The following SYT9 variants were observed in gnomAD, a reference collection of about 807,000 sequenced individuals.
SYT9 encodes synaptotagmin-9.
SYT9 carries 22 observed loss-of-function variants against 48.4 expected under a neutral mutation model. The ratio of observed to expected loss-of-function variants is 0.45; its 90% confidence interval spans 0.32 to 0.65. SYT9 has a LOEUF of 0.65. Ranked by LOEUF, SYT9 falls within the 30% of genes least tolerant of loss-of-function variation. SYT9 has a pLI of 0.03. For missense variants in SYT9, 577 were observed against 622.0 expected, an observed-to-expected ratio of 0.93 and a Z score of 0.77; for synonymous variants, 265 against 245.0, an observed-to-expected ratio of 1.08 and a Z score of -0.76.
At chr11:7,381,330 G>T (rs190205111) in intron 3 of SYT9, among the ~76,000 whole-genome samples, 1 of 152,260 alleles carries the variant, frequency 6.6e-6, no homozygotes, top group Non-Finnish European at 1.5e-5. Flanking sequence ...GATTTTTAGG[G>T]GTTCAGAAAC....
At chr11:7,275,684 A>G (rs992701152) in intron 1 of SYT9, among the ~76,000 whole-genome samples, 1 of 152,174 alleles carries the variant, frequency 6.6e-6, no homozygotes, top group African/African-American at 2.4e-5. Flanking sequence ...CTGTATATCT[A>G]GCCACCTCCT....
At chr11:7,260,993 T>G (rs567353149) in intron 1 of SYT9, among the ~76,000 whole-genome samples, 2 of 152,186 alleles carry the variant, frequency 1.3e-5, no homozygotes, top group African/African-American at 4.8e-5. Flanking sequence ...TCTGAAGTTA[T>G]AGGGCCCAAG....
At chr11:7,285,210 A>G (rs1275361688) in intron 1 of SYT9, among the ~76,000 whole-genome samples, 1 of 152,174 alleles carries the variant, frequency 6.6e-6, no homozygotes, top group Non-Finnish European at 1.5e-5. Context: ...AATACCCAAG[A>G]CTGGGTTATT....
chr11:7,449,226 C>A (rs1411046641), intron 6 of SYT9, among the ~76,000 whole-genome samples: 5 of 150,434 alleles, frequency 3.3e-5, no homozygotes, highest in African/African-American at 4.9e-5. Flanking sequence ...TGCCTATAAT[C>A]CCAGCTACTC....
intron 3 of SYT9, among the ~76,000 whole-genome samples, chr11:7,402,323 A>C (rs144637917): frequency 6.6e-6 from 1 of 152,210 alleles, no homozygotes; most frequent in East Asian, 1.9e-4. Flanking sequence ...TGATGGGTGG[A>C]GTGAATATCA....
At chr11:7,460,104 G>A (rs1388923234) in intron 6 of SYT9, among the ~76,000 whole-genome samples, 1 of 152,174 alleles carries the variant, frequency 6.6e-6, no homozygotes, top group Non-Finnish European at 1.5e-5. Flanking sequence ...TGCCTCAGAG[G>A]ATTGTGGTAA....
intron 3 of SYT9, among the ~76,000 whole-genome samples, chr11:7,378,329 T>A (rs1235025045): frequency 2.0e-5 from 3 of 152,120 alleles, no homozygotes; most frequent in Non-Finnish European, 2.9e-5. Flanking sequence ...ATTTGGAATT[T>A]AACCTAAGAG....
intron 6 of SYT9, among the ~76,000 whole-genome samples, chr11:7,429,455 A>G (rs982629138): frequency 1.3e-5 from 2 of 152,242 alleles, no homozygotes; most frequent in African/African-American, 4.8e-5. Context: ...AAGAAACCAG[A>G]TTCTCAGTCA....
At position 7,242,820 on chromosome 11, in the gene SYT9, A is replaced by G. The variant is rs200927539; in HGVS notation, c.49+3904A>G. On this transcript the variant is annotated intron_variant and NMD_transcript_variant, in intron 1 of 8. Coordinates refer to the SYT9 transcript ENST00000524820. Reference sequence around the variant, plus strand: ...CCAGCACTTTGGAGGCTAAGGCGTGAGAATCACCTGAGGTCAGGAGTTCAA... The same window carrying G: ...CCAGCACTTTGGAGGCTAAGGCGTGGGAATCACCTGAGGTCAGGAGTTCAA... Among the ~76,000 whole-genome samples, 21 of 152,242 alleles carry G rather than the reference A, an allele frequency of 1.4e-4. No homozygotes were observed. The East Asian group carries it at 4.1e-3, about 29-fold the overall frequency.
chr11:7,452,149 TG>T (rs1848067357), intron 6 of SYT9, among the ~76,000 whole-genome samples: 3 of 121,686 alleles, frequency 2.5e-5, no homozygotes, highest in African/African-American at 8.4e-5. Context: ...ACACACACAC[TG>T]AGGAAAAACA....
At chr11:7,447,129 A>G (rs941964666) in intron 6 of SYT9, among the ~76,000 whole-genome samples, 1 of 152,190 alleles carries the variant, frequency 6.6e-6, no homozygotes, top group Non-Finnish European at 1.5e-5. Flanking sequence ...GGTCTGATCA[A>G]TCTTGCCCTC....
intron 3 of SYT9, among the ~76,000 whole-genome samples, chr11:7,318,065 A>T (rs1849272101): frequency 6.6e-6 from 1 of 152,170 alleles, no homozygotes; most frequent in African/African-American, 2.4e-5. Context: ...GTCTTTCTAC[A>T]CGTGACCATA....
intron 3 of SYT9, among the ~76,000 whole-genome samples, chr11:7,353,266 T>G (rs746973723): frequency 2.0e-5 from 3 of 152,232 alleles, no homozygotes; most frequent in South Asian, 4.1e-4. Flanking sequence ...CTGAGGCTTC[T>G]GCAGGGAGGC....
upstream of SYT9, among the ~76,000 whole-genome samples, chr11:7,250,923 GA>G (rs1448956674): frequency 1.3e-5 from 2 of 152,102 alleles, no homozygotes; most frequent in Non-Finnish European, 2.9e-5. Flanking sequence ...AAAGAAAAAA[GA>G]AAGAGAGAAA....
chr11:7,455,818 C>T (rs987098812), intron 6 of SYT9, among the ~76,000 whole-genome samples: 8 of 152,216 alleles, frequency 5.3e-5, no homozygotes, highest in South Asian at 2.1e-4. Context: ...CATTCTACAG[C>T]TGCTCTTTGT....
intron 1 of SYT9, among the ~76,000 whole-genome samples, chr11:7,294,852 C>G (rs763059985): frequency 6.6e-6 from 1 of 152,190 alleles, no homozygotes; most frequent in Non-Finnish European, 1.5e-5. Context: ...GGAGGCAGCC[C>G]TGATGATCTG....
chr11:7,278,474 A>T (rs1337677175), intron 1 of SYT9, among the ~76,000 whole-genome samples: 2 of 152,176 alleles, frequency 1.3e-5, no homozygotes, highest in East Asian at 1.9e-4. Flanking sequence ...GAGCCCTAAG[A>T]TTCTGCAACA....
chr11:7,451,306 G>C (rs1213359232), intron 6 of SYT9, among the ~76,000 whole-genome samples: 3 of 152,196 alleles, frequency 2.0e-5, no homozygotes, highest in African/African-American at 4.8e-5. Flanking sequence ...GGCATGCTGT[G>C]TTCTGTGTGG....
chr11:7,459,414 C>T (rs1232660689), intron 6 of SYT9, among the ~76,000 whole-genome samples: 5 of 152,160 alleles, frequency 3.3e-5, no homozygotes, highest in Non-Finnish European at 5.9e-5. Context: ...AACCGATAGA[C>T]TGAGAAGGAG....
Sources: allele counts gnomAD v4.1 joint callset (sites outside exome capture counted in the v4.1 genomes callset), GRCh38; gene constraint gnomAD v4.1.1; transcripts MANE v1.5; gene names NCBI Gene and HGNC (gene_info 2026-07-23, HGNC 2026-07-21).